Variants in RBFOX1 observed in about 807,000 individuals in gnomAD.
RBFOX1 encodes the protein RNA binding protein fox-1 homolog 1.
Under a neutral mutation model 57.7 loss-of-function variants are expected in RBFOX1, and 8 were observed. The observed-to-expected ratio is 0.14, with a 90% CI of 0.08 to 0.25. RBFOX1 has a LOEUF of 0.25. RBFOX1 is among the 10% of genes least tolerant of loss of function. The pLI is 1.00. For synonymous variants in RBFOX1, 326 were observed against 222.4 expected (o/e 1.47, Z -4.15); for missense variants, 611 against 548.5 (o/e 1.11, Z -1.14).
intron 2 of RBFOX1, among the ~76,000 whole-genome samples, chr16:6,516,942 C>G (rs555978788): frequency 1.3e-5 from 2 of 152,168 alleles, no homozygotes; most frequent in African/African-American, 4.8e-5. Flanking sequence ...CCGCTTTCCT[C>G]CACAAATATG....
At chr16:7,652,981 A>C (rs1568295375) in intron 11 of RBFOX1, among the ~76,000 whole-genome samples, 1 of 152,232 alleles carries the variant, frequency 6.6e-6, no homozygotes, top group Admixed American at 6.5e-5. Flanking sequence ...CCACTCATGC[A>C]GTTCGGCCCC....
intron 3 of RBFOX1, among the ~76,000 whole-genome samples, chr16:6,788,526 A>G (rs886606623): frequency 6.6e-6 from 1 of 151,512 alleles, no homozygotes; most frequent in African/African-American, 2.4e-5. Context: ...CCCACGCTGG[A>G]GTGCAGTGGC....
intron 4 of RBFOX1, among the ~76,000 whole-genome samples, chr16:7,301,670 T>A (rs1381940598): frequency 6.6e-6 from 1 of 152,218 alleles, no homozygotes; most frequent in South Asian, 2.1e-4. Context: ...ATCATGTTTC[T>A]TATGAAAATG....
intron 2 of RBFOX1, among the ~76,000 whole-genome samples, chr16:5,529,225 C>T (rs533589129): frequency 1.8e-4 from 27 of 152,142 alleles, no homozygotes; most frequent in African/African-American, 6.3e-4. Context: ...CCTGAGGGTG[C>T]GTGACTTTGT....
chr16:6,213,896 G>C (rs953390534), intron 1 of RBFOX1, among the ~76,000 whole-genome samples: 1 of 152,012 alleles, frequency 6.6e-6, no homozygotes, highest in Non-Finnish European at 1.5e-5. Context: ...ATGAATTATT[G>C]GATGCTTAGC....
At chr16:6,238,694 C>G (rs1408442192) in intron 1 of RBFOX1, among the ~76,000 whole-genome samples, 1 of 152,112 alleles carries the variant, frequency 6.6e-6, no homozygotes, top group Non-Finnish European at 1.5e-5. Flanking sequence ...TTTTTATTCT[C>G]TGGTTTTTAT....
intron 3 of RBFOX1, among the ~76,000 whole-genome samples, chr16:5,787,870 T>A (rs140627018): frequency 6.6e-6 from 1 of 152,338 alleles, no homozygotes; most frequent in Non-Finnish European, 1.5e-5. Context: ...ATTGCAGTGT[T>A]CCAAGTCAAC....
intron 12 of RBFOX1, among the ~76,000 whole-genome samples, chr16:7,656,800 T>G (rs1042943806): frequency 6.6e-6 from 1 of 152,044 alleles, no homozygotes; most frequent in Non-Finnish European, 1.5e-5. Flanking sequence ...ATGTGATAAG[T>G]GATACAAGAG....
At chr16:6,367,113 A>T (rs1486871760) in intron 2 of RBFOX1, among the ~76,000 whole-genome samples, 1 of 152,196 alleles carries the variant, frequency 6.6e-6, no homozygotes, top group Non-Finnish European at 1.5e-5. Flanking sequence ...TTCCACCTCG[A>T]TGCAGGTGAT....
rs186859155 is a variant in RBFOX1 at position 7,303,081 on chromosome 16, C to T, written c.28-215066C>T. 3.0e-4 allele frequency among the ~76,000 whole-genome samples: 46 copies of T among 152,310 alleles called. No homozygotes were observed. In the East Asian group the frequency reaches 8.3e-3, roughly 27 times the overall value. Reference sequence around the variant, plus strand: ...GCGGGTGTTCTGGGCTGGGAGAAGCCCCCTTCCAGTCGCCCCGAGCTGGCA... The same window carrying T: ...GCGGGTGTTCTGGGCTGGGAGAAGCTCCCTTCCAGTCGCCCCGAGCTGGCA... On this transcript the variant is annotated intron_variant, in intron 4 of 15. Transcript: ENST00000550418.
intron 4 of RBFOX1, among the ~76,000 whole-genome samples, chr16:7,447,404 G>A (rs903802909): frequency 6.9e-6 from 1 of 145,628 alleles, no homozygotes; most frequent in African/African-American, 2.5e-5. Flanking sequence ...CTGCACTCCA[G>A]GCTGGCCAAC....
intron 1 of RBFOX1, among the ~76,000 whole-genome samples, chr16:6,040,574 C>CTT (rs1567314686): frequency 2.2e-5 from 3 of 135,414 alleles, no homozygotes; most frequent in Non-Finnish European, 4.7e-5. Flanking sequence ...CTTTCTTTCT[C>CTT]TCTCTCTCTC....
At chr16:5,754,399 G>A (rs992382564) in intron 3 of RBFOX1, among the ~76,000 whole-genome samples, 3 of 152,086 alleles carry the variant, frequency 2.0e-5, no homozygotes, top group Non-Finnish European at 4.4e-5. Context: ...GTGGGGGTGG[G>A]TTGCCCCTAC....
chr16:5,569,438 C>CTTTTTTTTTTTTTTTTTTTT lies in RBFOX1; in HGVS notation c.259-29454_259-29435dup, dbSNP rs796279138. On this transcript the variant is annotated intron_variant, in intron 2 of 2. Transcript: ENST00000585867. ...GTAAGGGTTAATGATAAGAAGTAAC[C>CTTTTTTTTTTTTTTTTTTTT]TTTTTTTTTTTTTTTTTTTTTTTTT... Among the ~76,000 whole-genome samples, 33 of 49,208 alleles carry CTTTTTTTTTTTTTTTTTTTT rather than the reference C, an allele frequency of 6.7e-4. 2 individuals carry two copies. The highest frequency in any genetic ancestry group is 1.5e-3 in the Admixed American group (4 of 2,744). 32.3% of individuals were successfully genotyped at this position (49,208 alleles called of 152,430 possible).
At chr16:6,537,476 A>G (rs981124055) in intron 2 of RBFOX1, among the ~76,000 whole-genome samples, 5 of 152,208 alleles carry the variant, frequency 3.3e-5, no homozygotes, top group Admixed American at 2.6e-4. Context: ...GCTTATCTCC[A>G]TGACAGAGTT....
chr16:6,909,516 A>G (rs2071004790), intron 3 of RBFOX1, among the ~76,000 whole-genome samples: 1 of 152,202 alleles, frequency 6.6e-6, no homozygotes, highest in African/African-American at 2.4e-5. Context: ...ACACTCTCTA[A>G]AGGCGTTCCA....
intron 2 of RBFOX1, among the ~76,000 whole-genome samples, chr16:6,443,081 C>A (rs889052649): frequency 1.3e-5 from 2 of 152,154 alleles, no homozygotes; most frequent in African/African-American, 4.8e-5. Flanking sequence ...TAGAATGGAA[C>A]TTGGAAAACA....
chr16:6,122,817 T>TGTGTGC (rs1429137301), intron 1 of RBFOX1, among the ~76,000 whole-genome samples: 5 of 151,908 alleles, frequency 3.3e-5, no homozygotes, highest in East Asian at 3.9e-4. Context: ...TGTGTGTGTG[T>TGTGTGC]GTGTGTGTGT....
At position 6,196,259 on chromosome 16, in the gene RBFOX1, C is replaced by G. The variant is rs1002302921; in HGVS notation, c.-126-120736C>G. Among the ~76,000 whole-genome samples the G allele has an allele frequency of 5.3e-5, 8 of 152,230 alleles. No homozygotes were observed. In the East Asian group the frequency reaches 5.8e-4, roughly 11 times the overall value. On this transcript the variant is annotated intron_variant, in intron 1 of 15. Transcript: ENST00000550418. The stretch of plus-strand genomic sequence containing the variant: ...TGAATTCAGGATTCCTAAGCTCGTG[C>G]TTTTTTTACCCCTGCACCAGAGGAA...
Sources: allele counts gnomAD v4.1 joint callset (sites outside exome capture counted in the v4.1 genomes callset), GRCh38; gene constraint gnomAD v4.1.1; transcripts MANE v1.5; gene names NCBI Gene and HGNC (gene_info 2026-07-23, HGNC 2026-07-21).